Variants in SS18 observed in about 807,000 individuals in gnomAD.
SS18 encodes the protein protein SSXT.
In SS18, 28 loss-of-function variants were observed where a neutral mutation model predicts 72.5. That is an observed-to-expected ratio of 0.39 (90% CI 0.29 to 0.53). The LOEUF is 0.53. SS18 is among the 20% of genes least tolerant of loss of function. The pLI, the probability that SS18 is intolerant of heterozygous loss-of-function variation, is 0.76. For missense variants in SS18, 518 were observed against 535.3 expected, an observed-to-expected ratio of 0.97 and a Z score of 0.32; for synonymous variants, 172 against 164.2, an observed-to-expected ratio of 1.05 and a Z score of -0.37.
At chr18:26,020,382 CAAT>C (rs2053327974) in intron 10 of SS18, among the ~76,000 whole-genome samples, 1 of 152,048 alleles carries the variant, frequency 6.6e-6, no homozygotes, top group Non-Finnish European at 1.5e-5. Context: ...CAGTGACTCT[CAAT>C]GATGGAGGGA....
chr18:26,051,747 T>C (rs1013548838), intron 5 of SS18, among the ~76,000 whole-genome samples: 1 of 152,224 alleles, frequency 6.6e-6, no homozygotes, highest in Non-Finnish European at 1.5e-5. Context: ...GCTACAATGA[T>C]TGGCAATTTT....
intron 2 of SS18, among the ~76,000 whole-genome samples, chr18:26,080,713 A>G (rs1302357446): frequency 3.9e-5 from 6 of 152,188 alleles, no homozygotes; most frequent in Admixed American, 3.3e-4. Context: ...AAAGTCTTGT[A>G]TATTTTTTCT....
intron 2 of SS18, among the ~76,000 whole-genome samples, chr18:26,083,480 A>G (rs1318572582): frequency 6.6e-6 from 1 of 152,192 alleles, no homozygotes; most frequent in Non-Finnish European, 1.5e-5. Flanking sequence ...CATCAAGAGT[A>G]CTCACACAAA....
At chr18:26,049,456 G>A (rs1175849740) in intron 5 of SS18, among the ~76,000 whole-genome samples, 1 of 152,166 alleles carries the variant, frequency 6.6e-6, no homozygotes, top group Non-Finnish European at 1.5e-5. Flanking sequence ...TGAAGTTTAT[G>A]CTCTATATGC....
intron 10 of SS18, among the ~76,000 whole-genome samples, chr18:26,030,666 G>A (rs961321281): frequency 1.3e-5 from 2 of 152,102 alleles, no homozygotes; most frequent in African/African-American, 4.8e-5. Flanking sequence ...TCTACAACAT[G>A]CTAAAGCTGA....
intron 10 of SS18, among the ~76,000 whole-genome samples, chr18:26,027,158 G>C (rs1255342604): frequency 6.6e-6 from 1 of 152,050 alleles, no homozygotes; most frequent in Non-Finnish European, 1.5e-5. Flanking sequence ...AAAGAACAAA[G>C]TTCAAAAACT....
chr18:26,032,622 T>C (rs1244353386), intron 9 of SS18, 90 bp from the exon 10 acceptor site: 2 of 1,404,946 alleles, frequency 1.4e-6, no homozygotes, highest in African/African-American at 2.9e-5. Flanking sequence ...TGTTACTGTA[T>C]TTTTCTATCT....
intron 4 of SS18, among the ~76,000 whole-genome samples, chr18:26,055,922 T>C (rs1266789802): frequency 6.6e-6 from 1 of 152,076 alleles, no homozygotes; most frequent in African/African-American, 2.4e-5. Flanking sequence ...CACGTCCAGC[T>C]AATTTTTTGT....
intron 9 of SS18, among the ~76,000 whole-genome samples, chr18:26,033,226 T>TA (rs2053573143): frequency 6.6e-6 from 1 of 152,168 alleles, no homozygotes; most frequent in South Asian, 2.1e-4. Context: ...TAAACTCTAC[T>TA]AGTTGGGCTT....
chr18:26,041,678 A>G (rs1456107618), intron 5 of SS18, among the ~76,000 whole-genome samples: 2 of 152,308 alleles, frequency 1.3e-5, no homozygotes, highest in East Asian at 3.9e-4. Flanking sequence ...TTGTCTTAAC[A>G]GAAGGTAACT....
In SS18 at chr18:26,032,383, C is replaced by T. The variant is rs1353282436; in HGVS notation, c.1230+16G>A. ...AGAAACAATGTGGCAATTCTGCAGCCGGTCAAACTACTTACCTGGTCATAT... is the reference window on the plus strand; with the variant it reads ...AGAAACAATGTGGCAATTCTGCAGCTGGTCAAACTACTTACCTGGTCATAT... On this transcript the variant is annotated intron_variant, in intron 10 of 10. Transcript: ENST00000415083. 5 of 1,607,416 alleles carry T rather than the reference C, an allele frequency of 3.1e-6. No individual in the cohort carries two copies. The highest frequency in any genetic ancestry group is 2.2e-5 in the East Asian group (1 of 44,834).
chr18:26,027,067 C>T (rs1376493357), intron 10 of SS18, among the ~76,000 whole-genome samples: 1 of 152,118 alleles, frequency 6.6e-6, no homozygotes, highest in Non-Finnish European at 1.5e-5. Context: ...TCCTAGTAAG[C>T]TTTTACGTAC....
chr18:26,034,002 C>A (rs1364327652), intron 9 of SS18, among the ~76,000 whole-genome samples: 2 of 152,060 alleles, frequency 1.3e-5, no homozygotes, highest in Non-Finnish European at 2.9e-5. Context: ...CAAGAAAGTT[C>A]CTTTATGAAA....
intron 2 of SS18, among the ~76,000 whole-genome samples, chr18:26,085,150 C>T (rs2054594744): frequency 6.6e-6 from 1 of 152,152 alleles, no homozygotes; most frequent in Non-Finnish European, 1.5e-5. Flanking sequence ...ATCTTTGAAA[C>T]ATTTTTGTAA....
intron 6 of SS18, 55 bp downstream of exon 6, chr18:26,039,234 A>G: frequency 6.9e-7 from 1 of 1,450,318 alleles, no homozygotes; most frequent in Non-Finnish European, 9.4e-7. Flanking sequence ...AAGGTCATTA[A>G]AATTTAAAGC....
In SS18 at chr18:26,035,603, T is replaced by C. The variant is rs2053613153; in HGVS notation, c.973+228A>G. The C allele has an allele frequency of 2.7e-6, 1 of 376,946 alleles. No homozygotes were observed. The highest frequency in any genetic ancestry group is 4.7e-6 in the Non-Finnish European group (1 of 211,720). 23.4% of individuals were successfully genotyped at this position (376,946 alleles called of 1,614,324 possible). A position where few individuals can be genotyped will look rare whatever the true frequency, so the allele number is the denominator to read the frequency against. Reference sequence around the variant, plus strand: ...TTTCCACTGAGGAAAAAATTATCTTTAATGTTTTAGTCTTTTTATTATTGT... The same window carrying C: ...TTTCCACTGAGGAAAAAATTATCTTCAATGTTTTAGTCTTTTTATTATTGT... On this transcript the variant is annotated intron_variant, in intron 8 of 10. Transcript: ENST00000415083. The surrounding 1 kb of genome is among the most constrained non-coding windows in gnomAD (Gnocchi z 4.4).
At chr18:26,090,199 G>A (rs955932045) in intron 1 of SS18, 5 of 429,738 alleles carry the variant, frequency 1.2e-5, no homozygotes, top group South Asian at 9.6e-5. Flanking sequence ...GGCCGCCGCC[G>A]GGCGCACGCG....
intron 10 of SS18, among the ~76,000 whole-genome samples, chr18:26,028,028 G>A (rs2053481141): frequency 6.6e-6 from 1 of 151,938 alleles, no homozygotes; most frequent in African/African-American, 2.4e-5. Flanking sequence ...CAGACAGGAT[G>A]AAAATATGTG....
At chr18:26,057,194 T>C (rs2054036352) in intron 4 of SS18, among the ~76,000 whole-genome samples, 1 of 152,230 alleles carries the variant, frequency 6.6e-6, no homozygotes, top group African/African-American at 2.4e-5. Flanking sequence ...CCAGTGATAC[T>C]GTTTCTGAGA....
Sources: allele counts gnomAD v4.1 joint callset (sites outside exome capture counted in the v4.1 genomes callset), GRCh38; gene constraint gnomAD v4.1.1; non-coding constraint Gnocchi (gnomAD v3.1); transcripts MANE v1.5; gene names NCBI Gene and HGNC (gene_info 2026-07-23, HGNC 2026-07-21).